Variants in RNF135 observed in about 807,000 individuals in gnomAD.
RNF135 encodes E3 ubiquitin-protein ligase RNF135.
RNF135 carries 46 observed loss-of-function variants against 41.9 expected under a neutral mutation model. That is an observed-to-expected ratio of 1.10 (90% CI 0.87 to 1.40). The LOEUF (loss-of-function observed/expected upper bound fraction) is 1.40. Ranked by LOEUF, RNF135 falls within the 40% of genes most tolerant of loss-of-function variation. The pLI is 0.00. For missense variants in RNF135, 539 were observed against 549.8 expected (o/e 0.98, Z 0.20); for synonymous variants, 238 against 223.8 (o/e 1.06, Z -0.57).
At chr17:30,993,931 G>T (rs1339961880) in intron 3 of RNF135, 4 of 586,122 alleles carry the variant, frequency 6.8e-6, no homozygotes, top group Non-Finnish European at 9.0e-6. Flanking sequence ...AGACTCCCAA[G>T]TAGCTGGGAC....
At chr17:30,970,791 A>T, upstream of RNF135, 1 of 524,204 alleles carries the variant, frequency 1.9e-6, no homozygotes, top group Non-Finnish European at 3.4e-6. Context: ...AGCTAAAGGG[A>T]ATCTTGGAGA....
At position 30,988,212 on chromosome 17, in the gene RNF135, T is replaced by G. The variant is rs919056202; in HGVS notation, c.679+106T>G. ...TGGGGATAGGATCCCAGAGTCCAGC[T>G]GTATTACCACTGTGGTGTCGTGAAT... On this transcript the variant is annotated intron_variant, in intron 3 of 4. Transcript: ENST00000328381. 2.3e-5 allele frequency: 25 copies of G among 1,088,444 alleles called. No individual in the cohort carries two copies. In the African/African-American group the frequency reaches 3.4e-4, roughly 15 times the overall value. The allele number at this position is 1,088,444 out of a possible 1,614,324, so 67.4% of individuals were successfully genotyped here.
chr17:30,996,408 GC>G (rs1364520103), intron 3 of RNF135, among the ~76,000 whole-genome samples: 4 of 152,094 alleles, frequency 2.6e-5, no homozygotes, highest in African/African-American at 9.7e-5. Context: ...ACTTTTTAAG[GC>G]TAAATAATAT....
chr17:30,976,955 A>G (rs972115201), intron 1 of RNF135, among the ~76,000 whole-genome samples: 5 of 152,094 alleles, frequency 3.3e-5, no homozygotes, highest in Non-Finnish European at 7.4e-5. Flanking sequence ...TTGATAAGTA[A>G]TTCTTGCCAT....
rs760992358 is a variant in RNF135, at chr17:30,988,096, A to G, written c.669A>G (p.Ala223=). 5.6e-5 allele frequency: 91 copies of G among 1,613,988 alleles called. No homozygotes were observed. In the Admixed American group the frequency reaches 1.5e-3, roughly 27 times the overall value. The change falls in exon 3 of 5, where the codon GCA becomes GCG. Residue 223 remains alanine (A), a synonymous_variant. Transcript: ENST00000328381. ...ESVTWKEAPE[A]QMQGELLEAP... ...TCACCTGGAAAGAGGCTCCTGAAGC[A>G]CAAATGCAGGGTGAGCTGATCTTAT...
At chr17:30,975,825 A>G in intron 1 of RNF135, 1 of 960,490 alleles carries the variant, frequency 1.0e-6, no homozygotes, top group Non-Finnish European at 1.7e-6. Context: ...TTCGTTGGCC[A>G]CAGAATAGTC....
intron 3 of RNF135, among the ~76,000 whole-genome samples, chr17:30,988,871 G>A (rs1035959765): frequency 5.5e-5 from 8 of 146,782 alleles, no homozygotes; most frequent in Admixed American, 1.3e-4. Context: ...ACAGGCGTGC[G>A]CCACCACGCC....
chr17:30,995,396 A>C (rs1908284195), intron 3 of RNF135, among the ~76,000 whole-genome samples: 1 of 152,008 alleles, frequency 6.6e-6, no homozygotes, highest in Non-Finnish European at 1.5e-5. Flanking sequence ...TCAAAAAAAA[A>C]AAAAGAATTG....
intron 1 of RNF135, among the ~76,000 whole-genome samples, chr17:30,979,776 C>G (rs533221519): frequency 1.2e-4 from 16 of 134,034 alleles, no homozygotes; most frequent in African/African-American, 4.5e-4. Flanking sequence ...CCCCCTCCCC[C>G]CTCCCGGACG....
rs368080023 is a variant in RNF135, at chr17:30,971,372, A to G, written c.299A>G (p.His100Arg). ...REIQAGSDPAHCPCPGSSSLS... is the reference protein window; with the variant it reads ...REIQAGSDPARCPCPGSSSLS... ...ATACAGGCGGGCTCCGACCCTGCCC[A>G]CTGCCCCTGCCCGGGCTCCAGTTCC... The change falls in exon 1 of 5, where the codon CAC (histidine) becomes CGC (arginine). Residue 100 changes from histidine to arginine, a missense_variant. Around this residue, in one of 2 missense-constraint regions of RNF135, gnomAD observed 277 missense variants for 212.8 expected, o/e 1.30. Transcript: ENST00000328381. 7,908 of 1,527,714 alleles carry G rather than the reference A, an allele frequency of 5.2e-3. 30 individuals are homozygous for G. The highest frequency in any genetic ancestry group is 6.0e-3 in the Non-Finnish European group (6,843 of 1,142,490). 94.6% of individuals were successfully genotyped at this position (1,527,714 alleles called of 1,614,324 possible).
upstream of RNF135, among the ~76,000 whole-genome samples, chr17:30,966,530 T>C (rs1017295487): frequency 1.3e-5 from 2 of 151,786 alleles, no homozygotes; most frequent in South Asian, 2.1e-4. Flanking sequence ...GGAGTCTCGC[T>C]GTCGCCCAGG....
intron 3 of RNF135, among the ~76,000 whole-genome samples, chr17:30,991,358 T>C (rs1211184583): frequency 6.6e-6 from 1 of 151,736 alleles, no homozygotes; most frequent in Admixed American, 6.6e-5. Context: ...AATGAAACTC[T>C]GACTCAAGAA....
In RNF135 at chr17:30,974,728, G is replaced by A. The variant is rs181971451; in HGVS notation, c.372+3283G>A. 4.2e-3 allele frequency among the ~76,000 whole-genome samples: 641 copies of A among 151,458 alleles called. 7 individuals carry two copies. Among genetic ancestry groups the A allele is most frequent in the African/African-American group, 0.014 (593 of 41,344 alleles). The stretch of plus-strand genomic sequence containing the variant: ...AGAGTCTTGTTCTGTCACACAGGCT[G>A]GAGTGCAGTGGCACGATCTTGGCTC... On this transcript the variant is annotated intron_variant, in intron 1 of 4. Transcript: ENST00000328381.
intron 3 of RNF135, among the ~76,000 whole-genome samples, chr17:30,988,924 CTTTTT>C (rs572603845): frequency 1.0e-5 from 1 of 99,932 alleles, no homozygotes; most frequent in East Asian, 3.0e-4. Context: ...TTCTTTCTTT[CTTTTT>C]TTTTTTTTTT....
intron 3 of RNF135, among the ~76,000 whole-genome samples, chr17:30,990,624 C>G (rs530331437): frequency 1.3e-5 from 2 of 152,162 alleles, no homozygotes; most frequent in African/African-American, 4.8e-5. Flanking sequence ...CTTTTATTAC[C>G]GTTTTTTTGA....
intron 3 of RNF135, among the ~76,000 whole-genome samples, chr17:30,995,455 C>A (rs1908291032): frequency 6.6e-6 from 1 of 152,012 alleles, no homozygotes. Flanking sequence ...GTCTGGAACT[C>A]CTCCTGGCCT....
chr17:30,959,688 C>G, the RNF135 span: 10 of 152,084 alleles, frequency 6.6e-5, no homozygotes. Context: ...AATTTGGCAT[C>G]AACATGGTGA....
chr17:30,964,703 T>A, the RNF135 span, among the ~76,000 whole-genome samples: 1 of 151,314 alleles, frequency 6.6e-6, no homozygotes, highest in Non-Finnish European at 1.5e-5. Flanking sequence ...TTTTTTTTTT[T>A]AGATGGAGTC....
At chr17:30,969,943 C>CTT (rs936098693), upstream of RNF135, among the ~76,000 whole-genome samples, 41 of 151,776 alleles carry the variant, frequency 2.7e-4, no homozygotes, top group African/African-American at 9.6e-4. Context: ...CTTTTCTTTT[C>CTT]TTTTTGTATT....
Sources: allele counts gnomAD v4.1 joint callset (sites outside exome capture counted in the v4.1 genomes callset), GRCh38; gene constraint gnomAD v4.1.1; regional missense constraint gnomAD v4.1.1; transcripts MANE v1.5; gene names NCBI Gene and HGNC (gene_info 2026-07-23, HGNC 2026-07-21).